Variants in UGT2B7 observed in about 807,000 individuals in gnomAD.
UGT2B7 encodes the protein UDP-glucuronosyltransferase 2B7.
Under a neutral mutation model 51.9 loss-of-function variants are expected in UGT2B7, and 51 were observed. That is an observed-to-expected ratio of 0.98 (90% CI 0.78 to 1.24). The LOEUF (loss-of-function observed/expected upper bound fraction) is 1.24. Among genes scored for constraint, UGT2B7 ranks in the 50% most tolerant of loss-of-function variants. UGT2B7 has a pLI of 0.00. For missense variants in UGT2B7, 727 were observed against 628.4 expected (o/e 1.16, Z -1.68); for synonymous variants, 225 against 211.6 (o/e 1.06, Z -0.55).
rs1719809505 is a variant in UGT2B7, at chr4:69,112,575, C to T, written c.1429C>T (p.Arg477Trp). ...GCGCCACAAAGGAGCTAAACACCTT[C>T]GGGTTGCAGCCCACGACCTCACCTG... ...VMRHKGAKHL[R>W]VAAHDLTWFQ... Residue 477 changes from arginine to tryptophan, a missense_variant, in exon 6 of 6, where the codon CGG becomes TGG. By Grantham distance (101) the Arg-to-Trp change is moderately radical (BLOSUM62 -3). Coordinates refer to ENST00000305231, the MANE Select transcript of UGT2B7 (RefSeq NM_001074.4). 2.5e-6 allele frequency: 4 copies of T among 1,613,960 alleles called. No homozygotes were observed. Among genetic ancestry groups the T allele is most frequent in the Non-Finnish European group, 2.5e-6 (3 of 1,179,876 alleles).
At chr4:69,072,885 T>A (rs1317068023) in intron 1 of UGT2B7, among the ~76,000 whole-genome samples, 1 of 152,160 alleles carries the variant, frequency 6.6e-6, no homozygotes, top group Non-Finnish European at 1.5e-5. Flanking sequence ...GTTATCATTA[T>A]AAAAGTTGTG....
intron 1 of UGT2B7, among the ~76,000 whole-genome samples, chr4:69,061,987 T>A (rs1434005382): frequency 6.6e-6 from 1 of 152,130 alleles, no homozygotes; most frequent in African/African-American, 2.4e-5. Context: ...ATTCCCAGAT[T>A]TGGACTGCCC....
intron 1 of UGT2B7, among the ~76,000 whole-genome samples, chr4:69,072,702 A>G (rs1379093378): frequency 6.6e-6 from 1 of 152,150 alleles, no homozygotes; most frequent in East Asian, 1.9e-4. Flanking sequence ...GTCTTCTGGC[A>G]TCTACCACCT....
At chr4:69,102,283 T>G (rs1480751283) in intron 2 of UGT2B7, among the ~76,000 whole-genome samples, 1 of 152,138 alleles carries the variant, frequency 6.6e-6, no homozygotes, top group Non-Finnish European at 1.5e-5. Context: ...AATGTAGATA[T>G]AAAATTATCC....
upstream of UGT2B7, among the ~76,000 whole-genome samples, chr4:69,095,278 T>C (rs1250300054): frequency 6.6e-6 from 1 of 152,168 alleles, no homozygotes; most frequent in Admixed American, 6.6e-5. Flanking sequence ...TCATAGATGG[T>C]GATAGGCTGG....
chr4:69,095,388 C>G (rs915140057), upstream of UGT2B7, among the ~76,000 whole-genome samples: 5 of 152,192 alleles, frequency 3.3e-5, no homozygotes, highest in African/African-American at 1.2e-4. Flanking sequence ...TCCTCTAGAT[C>G]AGCTGGCATC....
At position 69,109,344 on chromosome 4, in the gene UGT2B7, A is replaced by G. The variant is rs143313474; in HGVS notation, c.1310+1022A>G. On this transcript the variant is annotated intron_variant, in intron 5 of 5. Transcript: ENST00000305231. ...TTCCAAAGTACTTGTTTCATTCATG[A>G]CTACCACCAGCAGTACAACATGGTT... 7.0e-3 allele frequency among the ~76,000 whole-genome samples: 1,059 copies of G among 152,232 alleles called. 13 individuals carry two copies. Among genetic ancestry groups the G allele is most frequent in the African/African-American group, 0.02 (827 of 41,542 alleles).
At position 69,098,521 on chromosome 4, in the gene UGT2B7, T is replaced by C; in HGVS notation, c.722-19T>C. 6.3e-7 allele frequency: 1 copy of C among 1,585,516 alleles called. No homozygotes were observed. The highest frequency in any genetic ancestry group is 8.5e-7 in the Non-Finnish European group (1 of 1,172,744). Reference sequence around the variant, plus strand: ...AATTATCTTGTGTCATCCACCTTTTTTTTTTCTATTCCTGTCAGGAAGACC... The same window carrying C: ...AATTATCTTGTGTCATCCACCTTTTCTTTTTCTATTCCTGTCAGGAAGACC... On this transcript the variant is annotated intron_variant, in intron 1 of 5. Coordinates refer to ENST00000305231, the MANE Select transcript of UGT2B7 (RefSeq NM_001074.4).
At chr4:69,085,101 T>A (rs1233783494) in intron 1 of UGT2B7, among the ~76,000 whole-genome samples, 5 of 152,172 alleles carry the variant, frequency 3.3e-5, no homozygotes, top group African/African-American at 1.2e-4. Context: ...GTAAAAGCAT[T>A]CCTATTTCTC....
intron 1 of UGT2B7, among the ~76,000 whole-genome samples, chr4:69,058,728 A>G (rs1441381417): frequency 6.6e-6 from 1 of 152,168 alleles, no homozygotes; most frequent in East Asian, 1.9e-4. Flanking sequence ...AGTTTATTGA[A>G]GTGGCCACAA....
intron 5 of UGT2B7, among the ~76,000 whole-genome samples, chr4:69,108,792 A>G (rs1719688212): frequency 6.6e-6 from 1 of 152,136 alleles, no homozygotes; most frequent in Non-Finnish European, 1.5e-5. Flanking sequence ...TTTATGTTAT[A>G]AAATCCAAAT....
chr4:69,055,098 T>TAAAAAA (rs1178892377), intron 1 of UGT2B7, among the ~76,000 whole-genome samples: 512 of 22,366 alleles, frequency 0.023, 1 homozygote, highest in African/African-American at 0.031. Context: ...AAGTAATAGC[T>TAAAAAA]AAAAAAAAAA....
intron 1 of UGT2B7, among the ~76,000 whole-genome samples, chr4:69,069,366 A>G (rs56142573): frequency 0.011 from 1,669 of 151,984 alleles, 20 homozygotes; most frequent in African/African-American, 0.026. Context: ...TGTACTCTCA[A>G]TTGATTTTTT....
chr4:69,110,689 G>A (rs997371607), intron 5 of UGT2B7, among the ~76,000 whole-genome samples: 5 of 151,948 alleles, frequency 3.3e-5, no homozygotes, highest in African/African-American at 7.3e-5. Context: ...TATGCTATTC[G>A]AAGTCAGGCT....
chr4:69,104,047 C>T (rs1380732031), intron 3 of UGT2B7, among the ~76,000 whole-genome samples: 4 of 151,994 alleles, frequency 2.6e-5, no homozygotes, highest in Admixed American at 6.6e-5. Flanking sequence ...CCAGTATTTT[C>T]GGAGGCCGAG....
In UGT2B7 at chr4:69,108,275, G is replaced by T; in HGVS notation, c.1263G>T (p.Ser421=). 1.2e-6 allele frequency: 2 copies of T among 1,613,550 alleles called. No individual in the cohort carries two copies. The highest frequency in any genetic ancestry group is 8.5e-7 in the Non-Finnish European group (1 of 1,179,608). Residue 421 remains serine, a synonymous_variant, in exon 5 of 6, where the codon TCG becomes TCT. Transcript: ENST00000305231. ...TTAGAGTGGACTTCAACACAATGTC[G>T]AGTACAGACTTGCTGAATGCATTGA... ...AAVRVDFNTM[S]STDLLNALKR... is the part of the protein sequence containing the mutation.
rs1719231203 is a variant in UGT2B7, at chr4:69,096,525, C to A, written c.5C>A (p.Ser2Tyr). 1 of 1,613,732 alleles carries A rather than the reference C, an allele frequency of 6.2e-7. No individual in the cohort carries two copies. Among genetic ancestry groups the A allele is most frequent in the African/African-American group, 1.3e-5 (1 of 74,910 alleles). M[S>Y]VKWTSVILLI... The stretch of plus-strand genomic sequence containing the variant: ...CAAGCATTGCATTGCACCAGGATGT[C>A]TGTGAAATGGACTTCAGTAATTTTG... The change falls in exon 1 of 6, where the codon TCT becomes TAT. Residue 2 changes from serine (S) to tyrosine (Y), a missense_variant. Ser to Tyr is a moderately radical substitution (Grantham distance 144). Transcript: ENST00000305231.
intron 1 of UGT2B7, among the ~76,000 whole-genome samples, chr4:69,088,827 C>A (rs1428400254): frequency 6.6e-6 from 1 of 152,068 alleles, no homozygotes; most frequent in East Asian, 1.9e-4. Flanking sequence ...AGTGGGCTTC[C>A]CAAACCAAAA....
intron 1 of UGT2B7, among the ~76,000 whole-genome samples, chr4:69,081,530 G>A (rs951950518): frequency 2.0e-5 from 3 of 152,028 alleles, no homozygotes; most frequent in Non-Finnish European, 2.9e-5. Context: ...ATCACACAAA[G>A]CTACACAAGA....
Sources: gnomAD v4.1 joint callset for allele counts (sites outside exome capture counted in the v4.1 genomes callset) on GRCh38, gnomAD v4.1.1 for gene constraint, MANE v1.5 for transcripts, NCBI Gene and HGNC (gene_info 2026-07-23, HGNC 2026-07-21) for gene names.